Variants in FAM222B observed in about 807,000 individuals in gnomAD.
The protein encoded by FAM222B is protein FAM222B.
In FAM222B, 12 loss-of-function variants were observed where a neutral mutation model predicts 38.0. The ratio of observed to expected loss-of-function variants is 0.32; its 90% CI spans 0.20 to 0.51. The LOEUF (loss-of-function observed/expected upper bound fraction) is 0.51, where lower values mean the gene tolerates loss of function less well. Ranked by LOEUF, FAM222B falls within the 20% of genes least tolerant of loss-of-function variation. The probability of loss-of-function intolerance (pLI) is 0.97; values close to 1 mark genes in which losing one functional copy is unlikely to be tolerated. For missense variants in FAM222B, 716 were observed against 754.2 expected, an observed-to-expected ratio of 0.95 and a Z score of 0.59; for synonymous variants, 329 against 317.2, an observed-to-expected ratio of 1.04 and a Z score of -0.40.
At chr17:28,844,575 G>A (rs2039130068), upstream of FAM222B, among the ~76,000 whole-genome samples, 1 of 151,902 alleles carries the variant, frequency 6.6e-6, no homozygotes, top group African/African-American at 2.4e-5. Context: ...AGAGAATGGC[G>A]TGAACCCGGG....
At chr17:28,833,504 C>T (rs1401539703) in intron 1 of FAM222B, among the ~76,000 whole-genome samples, 1 of 148,544 alleles carries the variant, frequency 6.7e-6, no homozygotes, top group Non-Finnish European at 1.5e-5. Flanking sequence ...GTAGTCCCAG[C>T]TACTTGGGAG....
upstream of FAM222B, among the ~76,000 whole-genome samples, chr17:28,846,202 CAAA>C (rs35170639): frequency 1.7e-5 from 2 of 120,708 alleles, no homozygotes; most frequent in Non-Finnish European, 3.3e-5. Flanking sequence ...GACTCCATCT[CAAA>C]AAAAAAAAAA....
Position 28,778,670 on chromosome 17 carries a change from A to AT in FAM222B, c.-40-11964dup, listed in dbSNP as rs377460299. Among the ~76,000 whole-genome samples the AT allele has an allele frequency of 9.9e-3, 865 of 86,976 alleles. 41 individuals are homozygous for AT. Among genetic ancestry groups the AT allele is most frequent in the Middle Eastern group, 0.014 (2 of 138 alleles). 57.1% of individuals were successfully genotyped at this position (86,976 alleles called of 152,430 possible). On this transcript the variant is annotated intron_variant, in intron 1 of 2. Coordinates refer to ENST00000581407, the MANE Select transcript of FAM222B (RefSeq NM_001077498.3). Reference sequence around the variant, plus strand: ...AGGCGCATGTCATCATGCCTAGCTAATTTTTTTTTTGTGTGTGTGTGTGTG... The same window carrying AT: ...AGGCGCATGTCATCATGCCTAGCTAATTTTTTTTTTTGTGTGTGTGTGTGTG...
At chr17:28,789,702 A>G (rs895673111) in intron 1 of FAM222B, among the ~76,000 whole-genome samples, 2 of 152,214 alleles carry the variant, frequency 1.3e-5, no homozygotes, top group Non-Finnish European at 2.9e-5. Flanking sequence ...TAAATACTGC[A>G]TTTTCCATTG....
At chr17:28,792,413 G>T (rs965923749) in intron 1 of FAM222B, among the ~76,000 whole-genome samples, 1 of 151,846 alleles carries the variant, frequency 6.6e-6, no homozygotes, top group Non-Finnish European at 1.5e-5. Flanking sequence ...CCAAGAGTTT[G>T]AGGCTTCAGT....
chr17:28,838,619 A>G (rs1472862683), intron 1 of FAM222B, among the ~76,000 whole-genome samples: 2 of 141,812 alleles, frequency 1.4e-5, no homozygotes, highest in African/African-American at 5.3e-5. Flanking sequence ...CAAAAAAAAG[A>G]TTTTTGGCTG....
chr17:28,796,939 T>C (rs1276509742), intron 1 of FAM222B, among the ~76,000 whole-genome samples: 3 of 151,932 alleles, frequency 2.0e-5, no homozygotes, highest in African/African-American at 7.2e-5. Flanking sequence ...GAATAAATCT[T>C]CTTCAAGTGT....
intron 1 of FAM222B, among the ~76,000 whole-genome samples, chr17:28,827,490 C>T (rs1232323971): frequency 6.6e-6 from 1 of 152,076 alleles, no homozygotes; most frequent in African/African-American, 2.4e-5. Flanking sequence ...GAATGAGATG[C>T]TGTCATTTAA....
chr17:28,758,650 C>T lies in FAM222B; in HGVS notation c.1309G>A (p.Gly437Ser), dbSNP rs998958308. ...GGGTAGGCCAATGGGGCTGCCATGC[C>T]GTTGACTGGTGGGGATGGGGTCGGC... is the stretch of plus-strand genomic sequence containing the variant. ...EKPTPSPPVNGMAAPLAYPNG... is the reference protein window; with the variant it reads ...EKPTPSPPVNSMAAPLAYPNG... Residue 437 changes from glycine (G) to serine (S), a missense_variant, in exon 3 of 3, where the codon GGC becomes AGC. Coordinates refer to ENST00000581407, the MANE Select transcript of FAM222B (RefSeq NM_001077498.3). 12 of 1,610,266 alleles carry T rather than the reference C, an allele frequency of 7.5e-6. No homozygotes were observed. The highest frequency in any genetic ancestry group is 1.7e-5 in the Admixed American group (1 of 59,864).
chr17:28,791,547 G>A (rs1485435445), intron 1 of FAM222B, among the ~76,000 whole-genome samples: 2 of 151,592 alleles, frequency 1.3e-5, no homozygotes, highest in Admixed American at 6.6e-5. Context: ...AGAGAATTTC[G>A]CCATTGGAAA....
chr17:28,775,229 C>G (rs141381824), intron 1 of FAM222B, among the ~76,000 whole-genome samples: 9,664 of 151,576 alleles, frequency 0.064, 886 homozygotes, highest in African/African-American at 0.21. Flanking sequence ...TCCAACTCCC[C>G]ACCTCGGCCT....
chr17:28,817,350 T>C (rs2038061611), intron 1 of FAM222B, among the ~76,000 whole-genome samples: 2 of 151,620 alleles, frequency 1.3e-5, no homozygotes, highest in South Asian at 2.1e-4. Context: ...GAGACAGAGA[T>C]TGCAGTGAGC....
At chr17:28,794,941 A>G in intron 1 of FAM222B, among the ~76,000 whole-genome samples, 1 of 151,968 alleles carries the variant, frequency 6.6e-6, no homozygotes, top group Non-Finnish European at 1.5e-5. Flanking sequence ...AAAAATACAA[A>G]AATTAGACAG....
At chr17:28,790,020 A>G (rs1339519154) in intron 1 of FAM222B, among the ~76,000 whole-genome samples, 2 of 152,210 alleles carry the variant, frequency 1.3e-5, no homozygotes, top group African/African-American at 4.8e-5. Flanking sequence ...TTATCTGTCA[A>G]CCTATTGAAA....
chr17:28,794,199 A>G (rs1472403996), intron 1 of FAM222B, among the ~76,000 whole-genome samples: 6 of 151,232 alleles, frequency 4.0e-5, no homozygotes, highest in African/African-American at 1.2e-4. Context: ...TAACAGCACC[A>G]GCTGGAATCT....
At chr17:28,809,743 C>G (rs2037657797) in intron 1 of FAM222B, among the ~76,000 whole-genome samples, 1 of 152,086 alleles carries the variant, frequency 6.6e-6, no homozygotes, top group African/African-American at 2.4e-5. Flanking sequence ...TGGGAGGCCT[C>G]TGGGAGGGCT....
At position 28,759,480 on chromosome 17, in the gene FAM222B, T is replaced by C. The variant is rs2034947836; in HGVS notation, c.479A>G (p.His160Arg). 2.0e-6 allele frequency: 3 copies of C among 1,537,322 alleles called. No individual in the cohort carries two copies. Among genetic ancestry groups the C allele is most frequent in the South Asian group, 2.4e-5 (2 of 82,664 alleles). Residue 160 changes from histidine (H) to arginine (R), a missense_variant, in exon 3 of 3, where the codon CAT becomes CGT. Physicochemically the swap from His to Arg is conservative, Grantham distance 29 (BLOSUM62 0). Transcript: ENST00000581407. This position sits in a 1 kb window ranked among gnomAD's most constrained non-coding sequence, Gnocchi z 4.8. Reference sequence around the variant, plus strand: ...AGGGGCATGGGCCAGGGTCTGTGCATGCTGCAGGGCCTGCTGGCGGGCCAG... The same window carrying C: ...AGGGGCATGGGCCAGGGTCTGTGCACGCTGCAGGGCCTGCTGGCGGGCCAG... ...QALARQQALQ[H>R]AQTLAHAPPQ... is the part of the protein sequence containing the mutation.
At chr17:28,775,798 T>C (rs1163991396) in intron 1 of FAM222B, among the ~76,000 whole-genome samples, 1 of 151,158 alleles carries the variant, frequency 6.6e-6, no homozygotes. Context: ...GGAGAATCAC[T>C]TGAACCCAGG....
intron 2 of FAM222B, among the ~76,000 whole-genome samples, chr17:28,761,199 A>G (rs917027025): frequency 1.4e-4 from 21 of 152,232 alleles, no homozygotes; most frequent in Admixed American, 1.3e-3. Flanking sequence ...CAGGGGGCTC[A>G]GCGGATGTCC....
Sources: gnomAD v4.1 joint callset for allele counts (sites outside exome capture counted in the v4.1 genomes callset) on GRCh38, gnomAD v4.1.1 for gene constraint, Gnocchi (gnomAD v3.1) non-coding constraint, MANE v1.5 for transcripts, NCBI Gene and HGNC (gene_info 2026-07-23, HGNC 2026-07-21) for gene names.